The following MYF6 variants were observed in gnomAD, a reference collection of about 807,000 sequenced individuals.
The protein encoded by MYF6 is class C basic helix-loop-helix protein 4.
Under a neutral mutation model 21.7 loss-of-function variants are expected in MYF6, and 20 were observed. The observed-to-expected ratio is 0.92, with a 90% CI of 0.65 to 1.34. MYF6 has a LOEUF of 1.34. MYF6 is among the 40% of genes most tolerant of loss of function. The pLI is 0.00. For synonymous variants in MYF6, 124 were observed against 124.7 expected (o/e 0.99, Z 0.04); for missense variants, 320 against 304.1 (o/e 1.05, Z -0.39).
rs555558130 is a variant in MYF6, at chr12:80,707,668, T to G, written c.-52T>G. ...ATGCCATCTGGGTGGTTCCTCTGGGTTTTTGAGTCCATCACCCAGTTCAGA... is the reference window on the plus strand; with the variant it reads ...ATGCCATCTGGGTGGTTCCTCTGGGGTTTTGAGTCCATCACCCAGTTCAGA... On this transcript the variant is annotated 5_prime_UTR_variant, in exon 1 of 3. Coordinates refer to ENST00000228641, the MANE Select transcript of MYF6 (RefSeq NM_002469.3). The G allele has an allele frequency of 1.9e-6, 3 of 1,609,630 alleles. No individual in the cohort carries two copies. The African/African-American group carries it at 4.0e-5, about 21-fold the overall frequency.
chr12:80,708,401 G>A, intron 1 of MYF6, 123 bp from the exon 2 acceptor site: 1 of 1,392,152 alleles, frequency 7.2e-7, no homozygotes, highest in South Asian at 1.2e-5. Flanking sequence ...AAGACCGGGT[G>A]CTTGCAATAG....
intron 1 of MYF6, 73 bp downstream of exon 1, chr12:80,708,311 A>G: frequency 6.4e-7 from 1 of 1,557,830 alleles, no homozygotes; most frequent in Admixed American, 1.8e-5. Flanking sequence ...CTTAACCTCC[A>G]GCTGCTTGGT....
chr12:80,707,741 A>G lies in MYF6; in HGVS notation c.22A>G (p.Thr8Ala). The G allele has an allele frequency of 6.2e-7, 1 of 1,614,116 alleles. No homozygotes were observed. The highest frequency in any genetic ancestry group is 8.5e-7 in the Non-Finnish European group (1 of 1,180,026). MMMDLFE[T>A]GSYFFYLDGE... ...GAACATGATGATGGACCTTTTTGAA[A>G]CTGGCTCCTATTTCTTCTACTTGGA... The change falls in exon 1 of 3, where the codon ACT (threonine) becomes GCT (alanine). Residue 8 changes from threonine (T) to alanine (A), a missense_variant. Thr to Ala is a moderately conservative substitution (Grantham distance 58, BLOSUM62 0). Coordinates refer to ENST00000228641, the MANE Select transcript of MYF6 (RefSeq NM_002469.3).
At position 80,709,469 on chromosome 12, in the gene MYF6, T is replaced by C. The variant is rs1300229113; in HGVS notation, c.*509T>C. On this transcript the variant is annotated 3_prime_UTR_variant, in exon 3 of 3. Coordinates refer to ENST00000228641, the MANE Select transcript of MYF6 (RefSeq NM_002469.3). Reference sequence around the variant, plus strand: ...TTGTAATATTAAAAAGAAGTTTCTATATGAACAAAGTTGGTCCTAATTTGA... The same window carrying C: ...TTGTAATATTAAAAAGAAGTTTCTACATGAACAAAGTTGGTCCTAATTTGA... 6.5e-6 allele frequency: 1 copy of C among 154,044 alleles called. No homozygotes were observed. Among genetic ancestry groups the C allele is most frequent in the East Asian group, 1.9e-4 (1 of 5,228 alleles). The allele number at this position is 154,044 out of a possible 1,614,324, so 9.5% of individuals were successfully genotyped here.
At chr12:80,708,417 A>T in intron 1 of MYF6, 107 bp from the exon 2 acceptor site, 1 of 1,411,654 alleles carries the variant, frequency 7.1e-7, no homozygotes. Flanking sequence ...AATAGGCAGG[A>T]AATGCGTACC....
chr12:80,708,465 C>G, intron 1 of MYF6, 59 bp from the exon 2 acceptor site: 1 of 1,412,272 alleles, frequency 7.1e-7, no homozygotes, highest in East Asian at 2.3e-5. Context: ...CCCACCCCAC[C>G]CCAACCCCGG....
chr12:80,708,590 G>C lies in MYF6; in HGVS notation c.586G>C (p.Gly196Arg), dbSNP rs1328339235. The change falls in exon 2 of 3, where the codon GGG becomes CGG. Residue 196 changes from glycine to arginine, a missense_variant. Gly to Arg is a moderately radical substitution (Grantham distance 125). Transcript: ENST00000228641. Reference sequence around the variant, plus strand: ...GCCAAGTGTTTCCGATCATTCCAGGGGGCTCGTGATAACGGCTAAGGAAGG... The same window carrying C: ...GCCAAGTGTTTCCGATCATTCCAGGCGGCTCGTGATAACGGCTAAGGAAGG... Reference protein sequence around the residue: ...QWPSVSDHSRGLVITAKEGGA... With the variant: ...QWPSVSDHSRRLVITAKEGGA... 6.2e-7 allele frequency: 1 copy of C among 1,614,084 alleles called. No homozygotes were observed. The highest frequency in any genetic ancestry group is 8.5e-7 in the Non-Finnish European group (1 of 1,180,036).
Position 80,708,566 on chromosome 12 carries a change from C to G in MYF6, c.562C>G (p.Pro188Ala), listed in dbSNP as rs1312455988. 1 of 1,612,794 alleles carries G rather than the reference C, an allele frequency of 6.2e-7. No homozygotes were observed. The highest frequency in any genetic ancestry group is 2.2e-5 in the East Asian group (1 of 44,766). ...DFLRTCSSQW[P>A]SVSDHSRGLV... ...CCTGCGCACCTGCAGCTCCCAGTGG[C>G]CAAGTGTTTCCGATCATTCCAGGGG... Residue 188 changes from proline (P) to alanine (A), a missense_variant, in exon 2 of 3, where the codon CCA (proline) becomes GCA (alanine). Pro to Ala is a conservative substitution (Grantham distance 27). Coordinates refer to ENST00000228641, the MANE Select transcript of MYF6 (RefSeq NM_002469.3).
In MYF6 at chr12:80,707,820, A is replaced by G; in HGVS notation, c.101A>G (p.Tyr34Cys). 6.2e-7 allele frequency: 1 copy of G among 1,614,162 alleles called. No individual in the cohort carries two copies. Among genetic ancestry groups the G allele is most frequent in the African/African-American group, 1.3e-5 (1 of 75,050 alleles). The change falls in exon 1 of 3, where the codon TAT becomes TGT. Residue 34 changes from tyrosine (Y) to cysteine (C), a missense_variant. Transcript: ENST00000228641. ...PLEVAEGSPL[Y>C]PGSDGTLSPC... ...GAAGTGGCAGAAGGCTCTCCTTTGT[A>G]TCCAGGGAGTGATGGTACCTTGTCC...
intron 2 of MYF6, 103 bp downstream of exon 2, chr12:80,708,717 A>C: frequency 6.6e-7 from 1 of 1,517,194 alleles, no homozygotes; most frequent in Non-Finnish European, 9.2e-7. Flanking sequence ...CGCCCTGCGA[A>C]AAGGGCGCTC....
chr12:80,708,322 C>G, intron 1 of MYF6, 84 bp downstream of exon 1: 1 of 1,532,994 alleles, frequency 6.5e-7, no homozygotes, highest in Non-Finnish European at 8.8e-7. Flanking sequence ...GCTGCTTGGT[C>G]TTTTTTCCCT....
At chr12:80,708,451 G>GCCCCCC in intron 1 of MYF6, 73 bp from the exon 2 acceptor site, 15 of 1,319,326 alleles carry the variant, frequency 1.1e-5, no homozygotes, top group South Asian at 2.4e-5. Flanking sequence ...CAGGAAAGCC[G>GCCCCCC]CCCCCCACCC....
rs886049858 is a variant in MYF6, at chr12:80,709,292, G to T, written c.*332G>T. ...TCCTTTTGTGCCATGTTCAAAAGAA[G>T]TTCATTCCTGTCTAAAGTGGGAAAG... On this transcript the variant is annotated 3_prime_UTR_variant, in exon 3 of 3. Coordinates refer to ENST00000228641, the MANE Select transcript of MYF6 (RefSeq NM_002469.3). 8 of 246,498 alleles carry T rather than the reference G, an allele frequency of 3.2e-5. No individual in the cohort carries two copies. The highest frequency in any genetic ancestry group is 6.3e-5 in the Non-Finnish European group (8 of 126,080). 15.3% of individuals were successfully genotyped at this position (246,498 alleles called of 1,614,324 possible).
At chr12:80,708,813 CTA>C (rs1868421178) in intron 2 of MYF6, 27 bp from the exon 3 acceptor site, 1 of 1,595,534 alleles carries the variant, frequency 6.3e-7, no homozygotes. Context: ...TCTTTGGGTG[CTA>C]TGTTTGTGTG....
In MYF6 at chr12:80,708,087, A is replaced by G. The variant is rs1592801709; in HGVS notation, c.368A>G (p.Asn123Ser). The change falls in exon 1 of 3, where the codon AAC (asparagine) becomes AGC (serine). Residue 123 changes from asparagine (N) to serine (S), a missense_variant. Asn to Ser is a conservative substitution (Grantham distance 46). Coordinates refer to ENST00000228641, the MANE Select transcript of MYF6 (RefSeq NM_002469.3). ...FEALKRRTVA[N>S]PNQRLPKVEI... ...GCACTGAAGCGGCGAACTGTGGCCA[A>G]CCCCAACCAGAGGCTGCCCAAGGTG... 2 of 1,614,160 alleles carry G rather than the reference A, an allele frequency of 1.2e-6. No individual in the cohort carries two copies. The highest frequency in any genetic ancestry group is 1.7e-6 in the Non-Finnish European group (2 of 1,180,038).
intron 1 of MYF6, 137 bp downstream of exon 1, chr12:80,708,375 C>T: frequency 1.4e-6 from 2 of 1,390,506 alleles, no homozygotes; most frequent in Non-Finnish European, 2.0e-6. Context: ...CTCTAATGAA[C>T]CCCCAGTGAC....
In MYF6 at chr12:80,709,192, G is replaced by A; in HGVS notation, c.*232G>A. On this transcript the variant is annotated 3_prime_UTR_variant, in exon 3 of 3. Transcript: ENST00000228641. The stretch of plus-strand genomic sequence containing the variant: ...TTTGGGCTTTTATTTTTTTGGAACT[G>A]CGAGTGGCTTAGGTCTAGCCTCATT... The A allele has an allele frequency of 3.8e-6, 2 of 526,912 alleles. No homozygotes were observed. Among genetic ancestry groups the A allele is most frequent in the South Asian group, 2.1e-5 (1 of 48,326 alleles). The allele number at this position is 526,912 out of a possible 1,614,324, so 32.6% of individuals were successfully genotyped here.
chr12:80,708,162 T>C lies in MYF6; in HGVS notation c.443T>C (p.Leu148Pro). 2 of 1,614,104 alleles carry C rather than the reference T, an allele frequency of 1.2e-6. No individual in the cohort carries two copies. The highest frequency in any genetic ancestry group is 1.7e-6 in the Non-Finnish European group (2 of 1,179,972). The change falls in exon 1 of 3, where the codon CTG (leucine) becomes CCG (proline). Residue 148 changes from leucine to proline, a missense_variant. Physicochemically the swap from Leu to Pro is moderately conservative, Grantham distance 98. Transcript: ENST00000228641. ...ISYIERLQDL[L>P]HRLDQQEKMQ... ...TATATTGAGCGGCTGCAGGACCTGC[T>C]GCACCGGCTGGATCAGCAGGAGAAG...
At chr12:80,708,801 C>CTTCT in intron 2 of MYF6, 41 bp from the exon 3 acceptor site, 2 of 1,592,852 alleles carry the variant, frequency 1.3e-6, no homozygotes, top group African/African-American at 1.3e-5. Flanking sequence ...CTTCGTGTTC[C>CTTCT]TTCTTTGGGT....
Sources: gnomAD v4.1 joint callset for allele counts on GRCh38, gnomAD v4.1.1 for gene constraint, MANE v1.5 for transcripts, NCBI Gene and HGNC (gene_info 2026-07-23, HGNC 2026-07-21) for gene names.